Variants in ZBTB16 observed in about 807,000 individuals in gnomAD.
ZBTB16 encodes the protein zinc finger and BTB domain-containing protein 16.
ZBTB16 carries 8 observed loss-of-function variants against 56.8 expected under a neutral mutation model. The observed-to-expected ratio is 0.14, with a 90% CI of 0.08 to 0.25. The LOEUF (loss-of-function observed/expected upper bound fraction) is 0.25. ZBTB16 is among the 10% of genes least tolerant of loss of function. The pLI is 1.00. For missense variants in ZBTB16, 625 were observed against 903.0 expected, an observed-to-expected ratio of 0.69 and a Z score of 3.95; for synonymous variants, 363 against 368.5, an observed-to-expected ratio of 0.98 and a Z score of 0.17.
At chr11:114,206,298 T>C (rs1943870748) in intron 4 of ZBTB16, among the ~76,000 whole-genome samples, 1 of 152,206 alleles carries the variant, frequency 6.6e-6, no homozygotes, top group South Asian at 2.1e-4. Context: ...GGGAGCATGA[T>C]GCTGAGCTTC....
intron 2 of ZBTB16, among the ~76,000 whole-genome samples, chr11:114,124,086 G>A (rs939974878): frequency 1.3e-5 from 2 of 152,104 alleles, no homozygotes; most frequent in Admixed American, 6.5e-5. Context: ...GAGATGGTCG[G>A]GGGTAATGGG....
chr11:114,233,119 ACACACACT>A lies in ZBTB16; in HGVS notation c.1454-9046_1454-9039del, dbSNP rs1272814983. On this transcript the variant is annotated intron_variant, in intron 4 of 6. Transcript: ENST00000335953. Reference sequence around the variant, plus strand: ...CACACACACACACACACACACACACACACACACTCTCTCTCTCTCACACTCCCTTTCCT... The same window carrying A: ...CACACACACACACACACACACACACACTCTCTCTCTCACACTCCCTTTCCT... Among the ~76,000 whole-genome samples, 296 of 61,752 alleles carry A rather than the reference ACACACACT, an allele frequency of 4.8e-3. 2 individuals carry two copies. Among genetic ancestry groups the A allele is most frequent in the African/African-American group, 0.01 (212 of 21,168 alleles). The allele number at this position is 61,752 out of a possible 152,430, so 40.5% of individuals were successfully genotyped here.
At chr11:114,101,413 G>A (rs762269476) in intron 2 of ZBTB16, among the ~76,000 whole-genome samples, 2 of 152,106 alleles carry the variant, frequency 1.3e-5, no homozygotes, top group African/African-American at 2.4e-5. Context: ...ATTTTCTAGC[G>A]TTGAGGTCCT....
chr11:114,117,459 C>T (rs1941206835), intron 2 of ZBTB16, among the ~76,000 whole-genome samples: 1 of 150,950 alleles, frequency 6.6e-6, no homozygotes, highest in African/African-American at 2.4e-5. Context: ...AGAGAACAAG[C>T]AGAGGTAGGG....
chr11:114,063,866 C>T lies in ZBTB16; in HGVS notation c.566C>T (p.Thr189Ile). 6.2e-7 allele frequency: 1 copy of T among 1,614,158 alleles called. No individual in the cohort carries two copies. Among genetic ancestry groups the T allele is most frequent in the Non-Finnish European group, 8.5e-7 (1 of 1,180,030 alleles). The change falls in exon 2 of 7, where the codon ACT becomes ATT. Residue 189 changes from threonine (T) to isoleucine (I), a missense_variant. Physicochemically the swap from Thr to Ile is moderately conservative, Grantham distance 89 (BLOSUM62 -1). Around this residue, in one of 6 missense-constraint regions of ZBTB16, gnomAD observed 384 missense variants for 393.5 expected, o/e 0.98. Transcript: ENST00000335953. The surrounding 1 kb of genome is among the most constrained non-coding windows in gnomAD (Gnocchi z 6.5). ...PMVDQSPSVS[T>I]SFGLSAMSPT... Reference sequence around the variant, plus strand: ...GTGGACCAGAGCCCTTCAGTCTCCACTTCATTTGGTCTTTCAGCCATGAGT... The same window carrying T: ...GTGGACCAGAGCCCTTCAGTCTCCATTTCATTTGGTCTTTCAGCCATGAGT...
chr11:114,129,321 G>A (rs1190158616), intron 2 of ZBTB16, among the ~76,000 whole-genome samples: 3 of 152,212 alleles, frequency 2.0e-5, no homozygotes, highest in Non-Finnish European at 4.4e-5. Context: ...CATTTGATCC[G>A]TGGCGCAGCC....
intron 2 of ZBTB16, among the ~76,000 whole-genome samples, chr11:114,125,546 C>T (rs1941481904): frequency 6.6e-6 from 1 of 151,710 alleles, no homozygotes; most frequent in Non-Finnish European, 1.5e-5. Context: ...TCATTTTTGT[C>T]TTTCCTTGTA....
intron 2 of ZBTB16, among the ~76,000 whole-genome samples, chr11:114,151,451 T>C (rs1347402270): frequency 6.6e-6 from 1 of 152,144 alleles, no homozygotes; most frequent in Non-Finnish European, 1.5e-5. Context: ...GAGAGAGCAG[T>C]GGGTAGTCCA....
chr11:114,116,951 A>G (rs1591682297), intron 2 of ZBTB16, among the ~76,000 whole-genome samples: 1 of 152,316 alleles, frequency 6.6e-6, no homozygotes, highest in East Asian at 1.9e-4. Context: ...GTAGAATACA[A>G]GTGGTAATAA....
rs137965622 is a variant in ZBTB16, at chr11:114,212,415, G to A, written c.1453+25377G>A. Reference sequence around the variant, plus strand: ...TTCTTGTCCACTCCTGTCTGGTGTGGACCCTGCTTGGGAAAGCAGGAAGGG... The same window carrying A: ...TTCTTGTCCACTCCTGTCTGGTGTGAACCCTGCTTGGGAAAGCAGGAAGGG... On this transcript the variant is annotated intron_variant, in intron 4 of 6. Transcript: ENST00000335953. 1.8e-3 allele frequency among the ~76,000 whole-genome samples: 273 copies of A among 152,238 alleles called. 4 individuals carry two copies. The highest frequency in any genetic ancestry group is 6.0e-3 in the African/African-American group (250 of 41,542).
Position 114,063,624 on chromosome 11 carries a change from C to G in ZBTB16, c.324C>G (p.Ile108Met). The change falls in exon 2 of 7, where the codon ATC becomes ATG. Residue 108 changes from isoleucine (I) to methionine (M), a missense_variant. By Grantham distance (10) the Ile-to-Met change is conservative (BLOSUM62 1). Coordinates refer to ENST00000335953, the MANE Select transcript of ZBTB16 (RefSeq NM_006006.6). This position sits in a 1 kb window ranked among gnomAD's most constrained non-coding sequence, Gnocchi z 6.5. ...DLDDLLYAAE[I>M]LEIEYLEEQC... Reference sequence around the variant, plus strand: ...ATGACCTGCTGTATGCGGCCGAGATCCTGGAGATCGAGTACCTGGAGGAAC... The same window carrying G: ...ATGACCTGCTGTATGCGGCCGAGATGCTGGAGATCGAGTACCTGGAGGAAC... 1 of 1,614,182 alleles carries G rather than the reference C, an allele frequency of 6.2e-7. No homozygotes were observed. The highest frequency in any genetic ancestry group is 8.5e-7 in the Non-Finnish European group (1 of 1,180,044).
At chr11:114,080,763 C>G (rs1312085383) in intron 2 of ZBTB16, among the ~76,000 whole-genome samples, 2 of 152,172 alleles carry the variant, frequency 1.3e-5, no homozygotes, top group African/African-American at 2.4e-5. Flanking sequence ...GCTTGTTGTT[C>G]TGGCTAACGA....
intron 4 of ZBTB16, among the ~76,000 whole-genome samples, chr11:114,232,236 G>A (rs1031191409): frequency 2.0e-5 from 3 of 152,166 alleles, no homozygotes; most frequent in Non-Finnish European, 2.9e-5. Flanking sequence ...CAGAATACAT[G>A]CCAGGGAATG....
At chr11:114,089,779 A>G (rs907026651) in intron 2 of ZBTB16, among the ~76,000 whole-genome samples, 6 of 152,220 alleles carry the variant, frequency 3.9e-5, no homozygotes, top group African/African-American at 1.2e-4. Context: ...AACCTGGTAT[A>G]GGTATGAGGT....
intron 2 of ZBTB16, among the ~76,000 whole-genome samples, chr11:114,152,814 C>T (rs906769002): frequency 6.6e-6 from 1 of 152,214 alleles, no homozygotes; most frequent in Non-Finnish European, 1.5e-5. Context: ...TCCTTCCTTT[C>T]CTGTCACAGT....
intron 2 of ZBTB16, among the ~76,000 whole-genome samples, chr11:114,109,038 T>C (rs1591674095): frequency 5.9e-5 from 9 of 152,260 alleles, no homozygotes; most frequent in Admixed American, 5.9e-4. Flanking sequence ...CTGATCTGTG[T>C]CCTAATCCAT....
In ZBTB16 at chr11:114,231,079, C is replaced by T. The variant is rs1473503092; in HGVS notation, c.1454-11088C>T. Among the ~76,000 whole-genome samples the T allele has an allele frequency of 4.6e-5, 7 of 152,180 alleles. No individual in the cohort carries two copies. In the East Asian group the frequency reaches 1.2e-3, roughly 25 times the overall value. ...AGGATGACTTTGGGAATGTCTGAAA[C>T]TAGAGAGAGTGACCATCTATAGAAA... On this transcript the variant is annotated intron_variant, in intron 4 of 6. Coordinates refer to ENST00000335953, the MANE Select transcript of ZBTB16 (RefSeq NM_006006.6).
intron 2 of ZBTB16, among the ~76,000 whole-genome samples, chr11:114,095,438 A>G (rs1353449641): frequency 6.6e-6 from 1 of 150,838 alleles, no homozygotes; most frequent in South Asian, 2.1e-4. Flanking sequence ...TTTTTTGTAT[A>G]TTTAGTAGAG....
chr11:114,175,998 TGTGC>T (rs1264889981), intron 3 of ZBTB16, among the ~76,000 whole-genome samples: 9 of 150,458 alleles, frequency 6.0e-5, no homozygotes, highest in Admixed American at 2.0e-4. Flanking sequence ...TGTGTGTGTG[TGTGC>T]GTGCGTGTGT....
Sources: gnomAD v4.1 joint callset for allele counts (sites outside exome capture counted in the v4.1 genomes callset) on GRCh38, gnomAD v4.1.1 for gene constraint, gnomAD v4.1.1 regional missense constraint, Gnocchi (gnomAD v3.1) non-coding constraint, MANE v1.5 for transcripts, NCBI Gene and HGNC (gene_info 2026-07-23, HGNC 2026-07-21) for gene names.